CACNA1C: variants seen among roughly 807,000 people sequenced by gnomAD.
The protein encoded by CACNA1C is voltage-dependent L-type calcium channel subunit alpha-1C.
Under a neutral mutation model 229.0 loss-of-function variants are expected in CACNA1C, and 30 were observed. That is an observed-to-expected ratio of 0.13 (90% confidence interval 0.10 to 0.18). CACNA1C has a LOEUF of 0.18. Among genes scored for constraint, CACNA1C ranks in the 10% least tolerant of loss-of-function variants. The probability of loss-of-function intolerance (pLI) is 1.00; values close to 1 mark genes in which losing one functional copy is unlikely to be tolerated. For missense variants in CACNA1C, 1,658 were observed against 2,845.0 expected (o/e 0.58, Z 9.49); for synonymous variants, 1,114 against 1,132.5 (o/e 0.98, Z 0.33).
At chr12:1,998,052 A>C in intron 1 of CACNA1C, 2 of 1,335,350 alleles carry the variant, frequency 1.5e-6, no homozygotes, top group Non-Finnish European at 2.1e-6. Context: ...ATTCTCATAG[A>C]ATAGGAATTA....
intron 3 of CACNA1C, among the ~76,000 whole-genome samples, chr12:2,170,272 G>A (rs2154262311): frequency 6.6e-6 from 1 of 152,250 alleles, no homozygotes; most frequent in South Asian, 2.1e-4. Flanking sequence ...CATGGCTTTG[G>A]CATGATCAGG....
chr12:2,146,677 T>A (rs1435887236), intron 3 of CACNA1C, among the ~76,000 whole-genome samples: 2 of 151,150 alleles, frequency 1.3e-5, no homozygotes, highest in Non-Finnish European at 3.0e-5. Context: ...AATTATTGGT[T>A]TTCCCATTCA....
intron 30 of CACNA1C, among the ~76,000 whole-genome samples, chr12:2,635,213 C>A (rs190963533): frequency 8.3e-4 from 127 of 152,284 alleles, no homozygotes; most frequent in African/African-American, 2.8e-3. Flanking sequence ...GAGCCTCAGA[C>A]AGCACCCCAG....
intron 1 of CACNA1C, among the ~76,000 whole-genome samples, chr12:2,041,726 G>A (rs1230132967): frequency 1.3e-5 from 2 of 152,220 alleles, no homozygotes; most frequent in African/African-American, 2.4e-5. Flanking sequence ...GTGAGAATGA[G>A]AAAGCAGAGA....
intron 3 of CACNA1C, among the ~76,000 whole-genome samples, chr12:2,391,595 G>A (rs61539622): frequency 0.15 from 16,423 of 111,408 alleles, 1,076 homozygotes; most frequent in Middle Eastern, 0.19. Flanking sequence ...GACAGTGGGC[G>A]GGAGGCAGAG....
chr12:2,232,218 TCTTTC>T (rs2065419575), intron 3 of CACNA1C, among the ~76,000 whole-genome samples: 1 of 147,358 alleles, frequency 6.8e-6, no homozygotes, highest in Non-Finnish European at 1.5e-5. Context: ...TAGTTCTCAG[TCTTTC>T]CTTGTTTTTT....
rs1000478331 is a variant in CACNA1C, at chr12:2,666,614, G to A, written c.4527-72G>A. The stretch of plus-strand genomic sequence containing the variant: ...TATGAGTGGGCCCTACCCCTCAGGC[G>A]CATGCGTCCTGGGCTGCTGGCAGAG... On this transcript the variant is annotated intron_variant, in intron 36 of 46. Transcript: ENST00000399655. This position sits in a 1 kb window ranked among gnomAD's most constrained non-coding sequence, Gnocchi z 5.3. 5 of 912,142 alleles carry A rather than the reference G, an allele frequency of 5.5e-6. No individual in the cohort carries two copies. The highest frequency in any genetic ancestry group is 8.8e-6 in the Non-Finnish European group (5 of 571,060). The allele number at this position is 912,142 out of a possible 1,614,324, so 56.5% of individuals were successfully genotyped here.
chr12:2,558,021 A>T (rs1252273732), intron 11 of CACNA1C, among the ~76,000 whole-genome samples: 1 of 152,248 alleles, frequency 6.6e-6, no homozygotes, highest in African/African-American at 2.4e-5. Flanking sequence ...TTGTTTCCCT[A>T]GCCCTATCTC....
intron 29 of CACNA1C, among the ~76,000 whole-genome samples, chr12:2,621,734 CAG>C (rs1236002477): frequency 6.6e-6 from 1 of 152,150 alleles, no homozygotes; most frequent in Non-Finnish European, 1.5e-5. Context: ...GAACAGGAAT[CAG>C]AGACGGCTCC....
chr12:2,239,742 G>T (rs1444351741), intron 3 of CACNA1C, among the ~76,000 whole-genome samples: 1 of 152,154 alleles, frequency 6.6e-6, no homozygotes, highest in Non-Finnish European at 1.5e-5. Context: ...TTCCACAGAG[G>T]CTGTGTGCCC....
chr12:2,162,230 G>A (rs895997242), intron 3 of CACNA1C, among the ~76,000 whole-genome samples: 14 of 151,886 alleles, frequency 9.2e-5, no homozygotes, highest in African/African-American at 3.1e-4. Flanking sequence ...CTTTCTTAAT[G>A]AGCTCCACAA....
In CACNA1C at chr12:2,108,812, G is replaced by A. The variant is rs990261492; in HGVS notation, c.50-6412G>A. On this transcript the variant is annotated intron_variant, in intron 1 of 46. Transcript: ENST00000399655. The surrounding 1 kb of genome is among the most constrained non-coding windows in gnomAD (Gnocchi z 5.3). The stretch of plus-strand genomic sequence containing the variant: ...CTGCAATAGATAGGGAAGATTAATG[G>A]CCCAGCTTTCTAGTCATTGGGCCTT... 6.6e-6 allele frequency among the ~76,000 whole-genome samples: 1 copy of A among 152,176 alleles called. No individual in the cohort carries two copies. The highest frequency in any genetic ancestry group is 1.5e-5 in the Non-Finnish European group (1 of 68,036).
Position 2,053,819 on chromosome 12 carries a change from C to T in CACNA1C, c.49+208C>T, listed in dbSNP as rs2053257072. Among the ~76,000 whole-genome samples the T allele has an allele frequency of 6.6e-6, 1 of 150,444 alleles. No homozygotes were observed. Among genetic ancestry groups the T allele is most frequent in the Admixed American group, 6.6e-5 (1 of 15,168 alleles). Reference sequence around the variant, plus strand: ...CGCGCGAGACGGAGCGGAAAATTCCCGCCCCTCCCCCTCCGGGCCCCAGCT... The same window carrying T: ...CGCGCGAGACGGAGCGGAAAATTCCTGCCCCTCCCCCTCCGGGCCCCAGCT... On this transcript the variant is annotated intron_variant, in intron 1 of 46. Coordinates refer to ENST00000399655, the MANE Select transcript of CACNA1C (RefSeq NM_000719.7). This position sits in a 1 kb window ranked among gnomAD's most constrained non-coding sequence, Gnocchi z 5.8.
At chr12:2,135,024 C>G (rs1433581776) in intron 3 of CACNA1C, among the ~76,000 whole-genome samples, 1 of 140,286 alleles carries the variant, frequency 7.1e-6, no homozygotes, top group Non-Finnish European at 1.5e-5. Flanking sequence ...TCTTTTTTCT[C>G]TAAACTTCCC....
At position 2,602,636 on chromosome 12, in the gene CACNA1C, G is replaced by A. The variant is rs1179872199; in HGVS notation, c.2960+676G>A. Reference sequence around the variant, plus strand: ...GACTGTGTATATTTGTGTCTTGTGTGTGTGTGTGTGTGTGTGTGTGTGTGT... The same window carrying A: ...GACTGTGTATATTTGTGTCTTGTGTATGTGTGTGTGTGTGTGTGTGTGTGT... On this transcript the variant is annotated intron_variant, in intron 22 of 46. Coordinates refer to ENST00000399655, the MANE Select transcript of CACNA1C (RefSeq NM_000719.7). The surrounding 1 kb of genome is among the most constrained non-coding windows in gnomAD (Gnocchi z 4.4). Among the ~76,000 whole-genome samples the A allele has an allele frequency of 1.4e-4, 1 of 7,032 alleles. No homozygotes were observed. The highest frequency in any genetic ancestry group is 3.1e-4 in the African/African-American group (1 of 3,218). The allele number at this position is 7,032 out of a possible 152,430, so 4.6% of individuals were successfully genotyped here. A position where few individuals can be genotyped will look rare whatever the true frequency, so the allele number is the denominator to read the frequency against.
At chr12:2,655,612 A>G (rs894987267) in intron 34 of CACNA1C, among the ~76,000 whole-genome samples, 1 of 152,186 alleles carries the variant, frequency 6.6e-6, no homozygotes, top group African/African-American at 2.4e-5. Context: ...ATAAGTACAG[A>G]TATCTATCAC....
At chr12:2,207,731 T>C (rs892253271) in intron 3 of CACNA1C, among the ~76,000 whole-genome samples, 2 of 152,120 alleles carry the variant, frequency 1.3e-5, no homozygotes, top group Non-Finnish European at 2.9e-5. Context: ...GGATGATTAC[T>C]TGGGCCCAGG....
chr12:2,537,805 T>G (rs1486075170), intron 9 of CACNA1C, among the ~76,000 whole-genome samples: 2 of 151,966 alleles, frequency 1.3e-5, no homozygotes, highest in African/African-American at 2.4e-5. Context: ...TGTCTCGCCC[T>G]CCTGTGTGGT....
intron 3 of CACNA1C, among the ~76,000 whole-genome samples, chr12:2,331,515 T>A (rs1327694582): frequency 6.6e-6 from 1 of 152,220 alleles, no homozygotes. Context: ...ATCCAAGAGC[T>A]TCCTACTGCC....
Sources: allele counts gnomAD v4.1 joint callset (sites outside exome capture counted in the v4.1 genomes callset), GRCh38; gene constraint gnomAD v4.1.1; non-coding constraint Gnocchi (gnomAD v3.1); transcripts MANE v1.5; gene names NCBI Gene and HGNC (gene_info 2026-07-23, HGNC 2026-07-21).